Variants in SHROOM2 observed in about 807,000 individuals in gnomAD.
SHROOM2 encodes the protein protein Shroom2.
Under a neutral mutation model 75.9 loss-of-function variants are expected in SHROOM2, and 33 were observed. The ratio of observed to expected loss-of-function variants is 0.43; its 90% CI spans 0.33 to 0.58. The LOEUF is 0.58. Ranked by LOEUF, SHROOM2 falls within the 20% of genes least tolerant of loss-of-function variation. The probability of loss-of-function intolerance (pLI) is 0.04; values close to 1 mark genes in which losing one functional copy is unlikely to be tolerated. For missense variants in SHROOM2, 1,434 were observed against 1,461.2 expected (o/e 0.98, Z 0.30); for synonymous variants, 655 against 663.6 (o/e 0.99, Z 0.20).
chrX:9,913,773 C>G (rs962047553), intron 5 of SHROOM2, among the ~76,000 whole-genome samples: 1 of 111,979 alleles, frequency 8.9e-6, no homozygotes, highest in African/African-American at 3.2e-5. Context: ...AAACAGCCTA[C>G]TGCCTCGTAG....
At chrX:9,818,248 A>G (rs903171476) in intron 1 of SHROOM2, 1 of 203,790 alleles carries the variant, frequency 4.9e-6, no homozygotes, top group Non-Finnish European at 9.9e-6. Context: ...AAATGGCATC[A>G]ATATCAATGT....
At chrX:9,827,168 G>A (rs2083891467) in intron 1 of SHROOM2, among the ~76,000 whole-genome samples, 1 of 108,693 alleles carries the variant, frequency 9.2e-6, no homozygotes, top group Non-Finnish European at 1.9e-5. Context: ...AGAGTCCAGT[G>A]TAGCCTGGAT....
chrX:9,793,707 G>A (rs2083680004), intron 1 of SHROOM2, among the ~76,000 whole-genome samples: 1 of 109,624 alleles, frequency 9.1e-6, no homozygotes, highest in Non-Finnish European at 1.9e-5. Flanking sequence ...GGGCCATCCT[G>A]TGAATTGTAG....
Position 9,932,789 on chromosome X carries a change from C to A in SHROOM2, c.3506C>A (p.Ser1169Ter), listed in dbSNP as rs775435312. 8.3e-7 allele frequency: 1 copy of A among 1,207,783 alleles called. No homozygotes were observed. Among genetic ancestry groups the A allele is most frequent in the Non-Finnish European group, 1.1e-6 (1 of 895,024 alleles). ...CTGCAGACGGCCACCATGGAGACCT[C>A]GCGCTCCCCCTCGCCCCAGTTCGCC... is the stretch of plus-strand genomic sequence containing the variant. Reference protein sequence around the residue: ...LRLQTATMETSRSPSPQFAPQ... With the variant: ...LRLQTATMET Residue 1169 changes from serine to a stop codon, truncating the protein, a stop_gained, in exon 6 of 10, where the codon TCG becomes TAG. Transcript: ENST00000380913. LOFTEE classifies it high-confidence loss of function.
At chrX:9,831,881 A>G (rs1443959255) in intron 1 of SHROOM2, among the ~76,000 whole-genome samples, 2 of 110,503 alleles carry the variant, frequency 1.8e-5, no homozygotes, top group East Asian at 5.8e-4. Context: ...CCCTCATGAC[A>G]TAATCACCTC....
chrX:9,792,041 GAAT>G (rs1432580630), intron 1 of SHROOM2, among the ~76,000 whole-genome samples: 3 of 567 alleles, frequency 5.3e-3, no homozygotes, highest in African/African-American at 0.016. Context: ...GAATAGAATA[GAAT>G]AGAATAGAAT....
chrX:9,836,131 A>C (rs1381548350), intron 1 of SHROOM2, among the ~76,000 whole-genome samples: 1 of 112,048 alleles, frequency 8.9e-6, no homozygotes, highest in Non-Finnish European at 1.9e-5. Flanking sequence ...GCCCTGGCCC[A>C]GGCCCAGGCC....
chrX:9,875,202 CTT>C (rs1226749860), intron 2 of SHROOM2, among the ~76,000 whole-genome samples: 1 of 103,615 alleles, frequency 9.7e-6, no homozygotes. Flanking sequence ...TTTAACAACT[CTT>C]TGTAGATCAG....
intron 1 of SHROOM2, among the ~76,000 whole-genome samples, chrX:9,822,400 A>T (rs2083857894): frequency 8.9e-6 from 1 of 112,274 alleles, no homozygotes; most frequent in African/African-American, 3.2e-5. Context: ...GTGTGGTGGC[A>T]AAGACCACTT....
intron 1 of SHROOM2, chrX:9,818,810 C>A: frequency 2.0e-6 from 1 of 490,763 alleles, no homozygotes; most frequent in East Asian, 3.5e-5. Context: ...TTGGCCCGCT[C>A]CTCAACTGTT....
chrX:9,864,639 A>C (rs1428293489), intron 1 of SHROOM2, among the ~76,000 whole-genome samples: 1 of 109,466 alleles, frequency 9.1e-6, no homozygotes, highest in Non-Finnish European at 1.9e-5. Flanking sequence ...TAAAAAAAAA[A>C]ACGGTGAAAC....
Position 9,830,763 on chromosome X carries a change from G to A in SHROOM2, c.166-42889G>A, listed in dbSNP as rs1412586818. On this transcript the variant is annotated intron_variant, in intron 1 of 9. Transcript: ENST00000380913. ...ATTACAGGCATGCACCACCATGCCC[G>A]GCTAATATTTTTGTATTTTTAGTAG... is the stretch of plus-strand genomic sequence containing the variant. Among the ~76,000 whole-genome samples the A allele has an allele frequency of 5.5e-5, 6 of 108,629 alleles. No individual in the cohort carries two copies. In the South Asian group the frequency reaches 2.1e-3, roughly 37 times the overall value. 94.3% of individuals were successfully genotyped at this position (108,629 alleles called of 115,157 possible).
chrX:9,837,087 G>C (rs1418839654), intron 1 of SHROOM2, among the ~76,000 whole-genome samples: 1 of 112,666 alleles, frequency 8.9e-6, no homozygotes, highest in East Asian at 2.8e-4. Flanking sequence ...CCTTGGTGCA[G>C]ACTGACCGCA....
At chrX:9,790,409 A>G (rs1330971989) in intron 1 of SHROOM2, among the ~76,000 whole-genome samples, 1 of 111,979 alleles carries the variant, frequency 8.9e-6, no homozygotes, top group Non-Finnish European at 1.9e-5. Context: ...GTTTTGAAAA[A>G]GAGGGACCTG....
At chrX:9,909,932 T>G (rs2084412863) in intron 5 of SHROOM2, among the ~76,000 whole-genome samples, 1 of 111,611 alleles carries the variant, frequency 9.0e-6, no homozygotes, top group Non-Finnish European at 1.9e-5. Flanking sequence ...AATGGCTGTC[T>G]CTCTGCTGCG....
chrX:9,933,032 T>A (rs1282013467), intron 6 of SHROOM2, among the ~76,000 whole-genome samples, 162 bp downstream of exon 6: 3 of 111,313 alleles, frequency 2.7e-5, no homozygotes, highest in African/African-American at 9.8e-5. Flanking sequence ...AAAGTGAAGC[T>A]TCAGTGGTGG....
At chrX:9,902,181 G>A (rs1490994034) in intron 5 of SHROOM2, among the ~76,000 whole-genome samples, 1 of 110,803 alleles carries the variant, frequency 9.0e-6, no homozygotes, top group African/African-American at 3.3e-5. Flanking sequence ...ATGGATGGAT[G>A]GATGGGAGGG....
rs949638018 is a variant in SHROOM2, at chrX:9,917,454, G to A, written c.2892-14721G>A. 6.2e-5 allele frequency among the ~76,000 whole-genome samples: 7 copies of A among 112,316 alleles called. No individual in the cohort carries two copies. In the South Asian group the frequency reaches 1.1e-3, roughly 18 times the overall value. ...ACCACATAAACATATGTAGAAACAC[G>A]TTCTGAACACCAAAGAGCTTCTCGG... On this transcript the variant is annotated intron_variant, in intron 5 of 9. Coordinates refer to ENST00000380913, the MANE Select transcript of SHROOM2 (RefSeq NM_001649.4).
chrX:9,836,382 A>C (rs1157272131), intron 1 of SHROOM2, among the ~76,000 whole-genome samples: 1 of 110,521 alleles, frequency 9.0e-6, no homozygotes, highest in Non-Finnish European at 1.9e-5. Context: ...GGTTTCTAAG[A>C]ACATTTCTGG....
Sources: allele counts gnomAD v4.1 joint callset (sites outside exome capture counted in the v4.1 genomes callset), GRCh38; gene constraint gnomAD v4.1.1; transcripts MANE v1.5; gene names NCBI Gene and HGNC (gene_info 2026-07-23, HGNC 2026-07-21).